PWWP2A: variants seen among roughly 807,000 people sequenced by gnomAD.
PWWP2A encodes the protein PWWP domain-containing protein 2A.
A neutral mutation model predicts 48.5 loss-of-function variants in PWWP2A; 18 were observed. The observed-to-expected ratio is 0.37, with a 90% CI of 0.26 to 0.55. The LOEUF is 0.55. Ranked by LOEUF, PWWP2A falls within the 20% of genes least tolerant of loss-of-function variation. The pLI is 0.81. For synonymous variants in PWWP2A, 396 were observed against 387.7 expected, an observed-to-expected ratio of 1.02 and a Z score of -0.25; for missense variants, 867 against 976.4, an observed-to-expected ratio of 0.89 and a Z score of 1.49.
chr5:160,067,232 G>GA (rs1166266896), intron 2 of PWWP2A, among the ~76,000 whole-genome samples: 3 of 151,838 alleles, frequency 2.0e-5, no homozygotes, highest in Non-Finnish European at 4.4e-5. Flanking sequence ...AGATAACAGT[G>GA]AAAAAAATAG....
downstream of PWWP2A, among the ~76,000 whole-genome samples, chr5:160,071,104 A>AC (rs1753729400): frequency 6.6e-6 from 1 of 152,188 alleles, no homozygotes; most frequent in Admixed American, 6.5e-5. Flanking sequence ...TGGGAGGATC[A>AC]CCAGAGCCCA....
chr5:160,044,369 TC>T, the PWWP2A span, among the ~76,000 whole-genome samples: 1 of 152,192 alleles, frequency 6.6e-6, no homozygotes, highest in African/African-American at 2.4e-5. Flanking sequence ...GAATGGCTAC[TC>T]CATAGGCAGA....
chr5:160,113,483 T>C (rs571915561), intron 1 of PWWP2A, among the ~76,000 whole-genome samples: 2 of 152,360 alleles, frequency 1.3e-5, no homozygotes, highest in East Asian at 3.9e-4. Flanking sequence ...AAGACATTTC[T>C]GTACCATGCA....
chr5:160,069,895 C>T (rs541931346), intron 2 of PWWP2A, among the ~76,000 whole-genome samples: 1 of 152,262 alleles, frequency 6.6e-6, no homozygotes, highest in Non-Finnish European at 1.5e-5. Context: ...CTTTTCCTTT[C>T]GTTTCAGTCT....
At chr5:160,110,458 G>A (rs1326360950) in intron 1 of PWWP2A, among the ~76,000 whole-genome samples, 2 of 152,002 alleles carry the variant, frequency 1.3e-5, no homozygotes, top group East Asian at 3.9e-4. Context: ...TGTAATCCCA[G>A]CACTTTGGGA....
At chr5:160,049,585 C>G in the PWWP2A span, 2 of 1,612,004 alleles carry the variant, frequency 1.2e-6, no homozygotes, top group Non-Finnish European at 1.7e-6. Flanking sequence ...GACGGACAAG[C>G]TAGATGAAGC....
At chr5:160,085,502 ATTC>A (rs1237548848) in intron 2 of PWWP2A, among the ~76,000 whole-genome samples, 1 of 127,292 alleles carries the variant, frequency 7.9e-6, no homozygotes, top group Non-Finnish European at 1.6e-5. Flanking sequence ...TAACTGTCAC[ATTC>A]TTTTTTTTTT....
Position 160,078,185 on chromosome 5 carries a change from A to G in PWWP2A, c.1670-17T>C. On this transcript the variant is annotated splice_polypyrimidine_tract_variant and intron_variant, in intron 3 of 3. Coordinates refer to the PWWP2A transcript ENST00000456329. This position sits in a 1 kb window ranked among gnomAD's most constrained non-coding sequence, Gnocchi z 4.2. Reference sequence around the variant, plus strand: ...GTCTTTGTGCTGAAATATAGTAAAGAAAAGGAAGAAAATGTCGTTAAGCAC... The same window carrying G: ...GTCTTTGTGCTGAAATATAGTAAAGGAAAGGAAGAAAATGTCGTTAAGCAC... The G allele has an allele frequency of 2.6e-6, 4 of 1,546,792 alleles. No individual in the cohort carries two copies. The highest frequency in any genetic ancestry group is 3.5e-6 in the Non-Finnish European group (4 of 1,141,504).
At chr5:160,075,350 C>T (rs1581147544), downstream of PWWP2A, among the ~76,000 whole-genome samples, 1 of 152,018 alleles carries the variant, frequency 6.6e-6, no homozygotes, top group East Asian at 1.9e-4. Flanking sequence ...GATTGCTTTT[C>T]TTGAACAGAA....
At chr5:160,087,179 T>C (rs1481891120), downstream of PWWP2A, among the ~76,000 whole-genome samples, 1 of 152,092 alleles carries the variant, frequency 6.6e-6, no homozygotes, top group Non-Finnish European at 1.5e-5. Flanking sequence ...AGGAGTTTGA[T>C]AGCAGCCTGG....
chr5:160,103,982 G>A (rs1216443057), intron 1 of PWWP2A, among the ~76,000 whole-genome samples: 3 of 151,750 alleles, frequency 2.0e-5, no homozygotes, highest in East Asian at 1.9e-4. Context: ...AAATTAGAAG[G>A]GCCTGGCGGT....
the PWWP2A span, among the ~76,000 whole-genome samples, chr5:160,052,560 A>C: frequency 6.6e-6 from 1 of 151,180 alleles, no homozygotes; most frequent in Non-Finnish European, 1.5e-5. Context: ...AAAAAAAAAA[A>C]AAAAAAAAAA....
At chr5:160,109,045 A>G (rs1210394387) in intron 1 of PWWP2A, among the ~76,000 whole-genome samples, 1 of 152,164 alleles carries the variant, frequency 6.6e-6, no homozygotes, top group Non-Finnish European at 1.5e-5. Context: ...GTGCAGTGGC[A>G]CAATCTCAGC....
chr5:160,092,301 C>A lies in PWWP2A; in HGVS notation c.*81G>T. 2.8e-6 allele frequency: 4 copies of A among 1,451,980 alleles called. No homozygotes were observed. Among genetic ancestry groups the A allele is most frequent in the Non-Finnish European group, 3.6e-6 (4 of 1,101,660 alleles). 89.9% of individuals were successfully genotyped at this position (1,451,980 alleles called of 1,614,324 possible). The stretch of plus-strand genomic sequence containing the variant: ...AACTTCTCTCTCCAATCTGGCCACG[C>A]TATTTTGTAGAAATTATTCCTAACT... On this transcript the variant is annotated 3_prime_UTR_variant, in exon 2 of 2. Coordinates refer to ENST00000307063, the MANE Select transcript of PWWP2A (RefSeq NM_001130864.2).
chr5:160,045,499 CACACACACACACACA>C, the PWWP2A span, among the ~76,000 whole-genome samples: 2,164 of 114,640 alleles, frequency 0.019, 187 homozygotes, highest in Admixed American at 0.036. Flanking sequence ...CACACACACA[CACACACACACACACA>C]TACACACTCT....
chr5:160,104,046 C>G (rs1486839658), intron 1 of PWWP2A, among the ~76,000 whole-genome samples: 1 of 141,180 alleles, frequency 7.1e-6, no homozygotes, highest in Non-Finnish European at 1.5e-5. Flanking sequence ...ATGGCGTGAA[C>G]CTGGGAGGCG....
chr5:160,117,745 T>C (rs1758288642), intron 1 of PWWP2A: 1 of 263,854 alleles, frequency 3.8e-6, no homozygotes, highest in Non-Finnish European at 5.9e-6. Flanking sequence ...AATATGAAAT[T>C]TTAAATGGCT....
intron 2 of PWWP2A, among the ~76,000 whole-genome samples, chr5:160,086,280 G>A (rs1410714181): frequency 6.6e-6 from 1 of 152,142 alleles, no homozygotes; most frequent in Non-Finnish European, 1.5e-5. Flanking sequence ...CACTTTGGGA[G>A]GCTGAGGCAG....
the PWWP2A span, among the ~76,000 whole-genome samples, chr5:160,045,227 T>A: frequency 6.6e-6 from 1 of 152,142 alleles, no homozygotes; most frequent in Admixed American, 6.6e-5. Context: ...AACAGTTTAC[T>A]TCCAGCTGCA....
Sources: allele counts gnomAD v4.1 joint callset (sites outside exome capture counted in the v4.1 genomes callset), GRCh38; gene constraint gnomAD v4.1.1; non-coding constraint Gnocchi (gnomAD v3.1); transcripts MANE v1.5; gene names NCBI Gene and HGNC (gene_info 2026-07-23, HGNC 2026-07-21).